Variants in ARHGAP20 observed in about 807,000 individuals in gnomAD.
ARHGAP20 encodes Rho GTPase activating protein 20, also known as rho GTPase-activating protein 20.
A neutral mutation model predicts 73.7 loss-of-function variants in ARHGAP20; 34 were observed. The ratio of observed to expected loss-of-function variants is 0.46; its 90% CI spans 0.35 to 0.61. The LOEUF is 0.61. Ranked by LOEUF, ARHGAP20 falls within the 20% of genes least tolerant of loss-of-function variation. ARHGAP20 has a pLI of 0.00. For synonymous variants in ARHGAP20, 523 were observed against 518.2 expected (o/e 1.01, Z -0.13); for missense variants, 1,314 against 1,420.9 (o/e 0.92, Z 1.21).
intron 9 of ARHGAP20, among the ~76,000 whole-genome samples, chr11:110,602,031 G>C (rs997428660): frequency 6.6e-6 from 1 of 151,566 alleles, no homozygotes; most frequent in Non-Finnish European, 1.5e-5. Context: ...ACTGGAACAT[G>C]ACCATACTCA....
intron 4 of ARHGAP20, among the ~76,000 whole-genome samples, chr11:110,619,977 T>G (rs574418085): frequency 6.6e-6 from 1 of 152,286 alleles, no homozygotes; most frequent in East Asian, 1.9e-4. Context: ...TTTCAAAGAT[T>G]CTGGCAATTG....
At chr11:110,657,627 C>G (rs753860745) in intron 2 of ARHGAP20, among the ~76,000 whole-genome samples, 8 of 151,914 alleles carry the variant, frequency 5.3e-5, no homozygotes, top group Non-Finnish European at 1.0e-4. Context: ...TGCACAGTGG[C>G]TTATGCCTGT....
intron 2 of ARHGAP20, among the ~76,000 whole-genome samples, chr11:110,673,069 T>C (rs1037220700): frequency 1.4e-4 from 22 of 152,072 alleles, no homozygotes; most frequent in African/African-American, 4.8e-4. Context: ...ACAACATAGA[T>C]GAATCTCAAA....
intron 2 of ARHGAP20, among the ~76,000 whole-genome samples, chr11:110,673,789 A>G (rs1949875251): frequency 6.6e-6 from 1 of 152,194 alleles, no homozygotes; most frequent in Admixed American, 6.5e-5. Context: ...AAGTTTCTTA[A>G]ACCTAGTCCT....
chr11:110,708,343 T>C (rs1950586642), intron 1 of ARHGAP20, among the ~76,000 whole-genome samples: 1 of 152,132 alleles, frequency 6.6e-6, no homozygotes, highest in Non-Finnish European at 1.5e-5. Context: ...GACAGATTCT[T>C]AAAAAGTTCA....
intron 12 of ARHGAP20, among the ~76,000 whole-genome samples, chr11:110,585,068 CAT>C (rs1287410666): frequency 6.7e-6 from 1 of 148,492 alleles, no homozygotes; most frequent in Non-Finnish European, 1.5e-5. Context: ...TATATGTGAA[CAT>C]ATATGAATAC....
At chr11:110,667,802 G>A (rs1394248978) in intron 2 of ARHGAP20, among the ~76,000 whole-genome samples, 1 of 152,174 alleles carries the variant, frequency 6.6e-6, no homozygotes, top group African/African-American at 2.4e-5. Flanking sequence ...ATGACTTTGA[G>A]GAGTTCAAGA....
chr11:110,687,261 C>A (rs1042861041), intron 2 of ARHGAP20, among the ~76,000 whole-genome samples: 8 of 151,656 alleles, frequency 5.3e-5, no homozygotes, highest in Admixed American at 2.0e-4. Context: ...GAGACAGGGT[C>A]TTGCTATGTT....
At chr11:110,627,344 C>T (rs776044500) in intron 3 of ARHGAP20, among the ~76,000 whole-genome samples, 6 of 152,096 alleles carry the variant, frequency 3.9e-5, no homozygotes, top group South Asian at 2.1e-4. Context: ...CTGTCTGCCT[C>T]GGCCTCCCAA....
At chr11:110,592,318 C>G (rs1947849523) in intron 9 of ARHGAP20, among the ~76,000 whole-genome samples, 163 bp from the exon 10 acceptor site, 1 of 152,180 alleles carries the variant, frequency 6.6e-6, no homozygotes, top group Non-Finnish European at 1.5e-5. Flanking sequence ...TTCATTTCGT[C>G]TTTCATCTTA....
chr11:110,639,247 C>G (rs56056935), intron 2 of ARHGAP20, among the ~76,000 whole-genome samples: 24,648 of 146,150 alleles, frequency 0.17, 2,472 homozygotes, highest in East Asian at 0.31. Flanking sequence ...TACCCCCCCC[C>G]CACAAGAGTT....
intron 2 of ARHGAP20, among the ~76,000 whole-genome samples, chr11:110,669,282 C>A (rs1360940109): frequency 6.6e-6 from 1 of 152,068 alleles, no homozygotes; most frequent in Non-Finnish European, 1.5e-5. Context: ...TATTTTATAT[C>A]TGCACTAATA....
At position 110,636,196 on chromosome 11, in the gene ARHGAP20, A is replaced by C. The variant is rs541354519; in HGVS notation, c.189-5404T>G. Among the ~76,000 whole-genome samples, 3 of 152,148 alleles carry C rather than the reference A, an allele frequency of 2.0e-5. No homozygotes were observed. The South Asian group carries it at 6.2e-4, about 32-fold the overall frequency. ...ATGCCATTTCTGTCAAAACTATTCA[A>C]CTCTGCCCTTGTATTGCAAAGTCAA... is the stretch of plus-strand genomic sequence containing the variant. On this transcript the variant is annotated intron_variant, in intron 2 of 14. Coordinates refer to ENST00000683387, the MANE Select transcript of ARHGAP20 (RefSeq NM_001384657.1).
intron 9 of ARHGAP20, among the ~76,000 whole-genome samples, chr11:110,603,755 A>G (rs1948160907): frequency 6.6e-6 from 1 of 152,238 alleles, no homozygotes; most frequent in South Asian, 2.1e-4. Flanking sequence ...TCAAGAGAAG[A>G]ATCTAACAAA....
chr11:110,666,515 T>C (rs958339064), intron 2 of ARHGAP20, among the ~76,000 whole-genome samples: 6 of 152,172 alleles, frequency 3.9e-5, no homozygotes, highest in African/African-American at 1.4e-4. Flanking sequence ...GAATCCAAAG[T>C]AGACTAACAC....
intron 1 of ARHGAP20, among the ~76,000 whole-genome samples, chr11:110,694,392 CCCTCTGCTGTCT>C (rs1205880391): frequency 3.3e-5 from 5 of 151,740 alleles, no homozygotes; most frequent in African/African-American, 1.2e-4. Context: ...GGATCTTTGA[CCCTCTGCTGTCT>C]CCTCTGCAGT....
intron 2 of ARHGAP20, among the ~76,000 whole-genome samples, chr11:110,670,678 AG>A (rs773193056): frequency 3.9e-5 from 6 of 152,118 alleles, no homozygotes; most frequent in Non-Finnish European, 7.4e-5. Flanking sequence ...TTTCAGAAAA[AG>A]GAAGTGACAG....
chr11:110,632,143 A>C (rs1948872041), intron 2 of ARHGAP20, among the ~76,000 whole-genome samples: 1 of 152,198 alleles, frequency 6.6e-6, no homozygotes, highest in African/African-American at 2.4e-5. Flanking sequence ...ATGGCTATTA[A>C]ACATTGGTAC....
At chr11:110,653,802 C>T (rs753105301) in intron 2 of ARHGAP20, among the ~76,000 whole-genome samples, 4 of 152,042 alleles carry the variant, frequency 2.6e-5, no homozygotes, top group Non-Finnish European at 4.4e-5. Context: ...ATAACAAAGA[C>T]ATGGAATCAA....
Sources: gnomAD v4.1 joint callset for allele counts (sites outside exome capture counted in the v4.1 genomes callset) on GRCh38, gnomAD v4.1.1 for gene constraint, MANE v1.5 for transcripts, NCBI Gene and HGNC (gene_info 2026-07-23, HGNC 2026-07-21) for gene names.